The following BBX variants were observed in gnomAD, a reference collection of about 807,000 sequenced individuals.
The protein encoded by BBX is HMG box transcription factor BBX.
Under a neutral mutation model 100.2 loss-of-function variants are expected in BBX, and 30 were observed. The ratio of observed to expected loss-of-function variants is 0.30; its 90% CI spans 0.22 to 0.41. The LOEUF is 0.41. Among genes scored for constraint, BBX ranks in the 10% least tolerant of loss-of-function variants. The pLI, the probability that BBX is intolerant of heterozygous loss-of-function variation, is 1.00. For synonymous variants in BBX, 376 were observed against 388.1 expected (o/e 0.97, Z 0.37); for missense variants, 1,023 against 1,129.8 (o/e 0.91, Z 1.35).
In BBX at chr3:107,587,739, G is replaced by C. The variant is rs189836004; in HGVS notation, c.-83-58097G>C. Among the ~76,000 whole-genome samples, 3 of 152,278 alleles carry C rather than the reference G, an allele frequency of 2.0e-5. No homozygotes were observed. In the East Asian group the frequency reaches 5.8e-4, roughly 29 times the overall value. On this transcript the variant is annotated intron_variant, in intron 2 of 17. Transcript: ENST00000325805. ...TCACTGGGTACGCTAGACCAACACAGATTTGCAGGCTCGAGGCTCTTTTAG... is the reference window on the plus strand; with the variant it reads ...TCACTGGGTACGCTAGACCAACACACATTTGCAGGCTCGAGGCTCTTTTAG...
chr3:107,670,506 G>GT (rs1202625148), intron 3 of BBX, among the ~76,000 whole-genome samples: 41 of 151,802 alleles, frequency 2.7e-4, no homozygotes, highest in Non-Finnish European at 7.4e-5. Flanking sequence ...ACTATACATC[G>GT]TATGTATTGA....
At chr3:107,708,811 G>A (rs1456315356) in intron 3 of BBX, among the ~76,000 whole-genome samples, 1 of 152,042 alleles carries the variant, frequency 6.6e-6, no homozygotes, top group Non-Finnish European at 1.5e-5. Context: ...ATACATTCAT[G>A]TTTTAGAATA....
At chr3:107,559,489 A>C (rs2107466692) in intron 2 of BBX, among the ~76,000 whole-genome samples, 1 of 152,340 alleles carries the variant, frequency 6.6e-6, no homozygotes, top group East Asian at 1.9e-4. Context: ...TAATAGATAC[A>C]GCTTCTGAGG....
chr3:107,597,779 G>C (rs905072566), intron 2 of BBX, among the ~76,000 whole-genome samples: 2 of 152,166 alleles, frequency 1.3e-5, no homozygotes, highest in African/African-American at 4.8e-5. Flanking sequence ...TGATTGATTA[G>C]GGCCATTCAC....
chr3:107,655,113 G>T (rs1208816570), intron 3 of BBX, among the ~76,000 whole-genome samples: 1 of 152,114 alleles, frequency 6.6e-6, no homozygotes, highest in African/African-American at 2.4e-5. Context: ...TTGCTTTCCT[G>T]ACGATTTCAT....
Position 107,572,976 on chromosome 3 carries a change from G to A in BBX, c.-84+46578G>A, listed in dbSNP as rs556176379. On this transcript the variant is annotated intron_variant, in intron 2 of 17. Transcript: ENST00000325805. The stretch of plus-strand genomic sequence containing the variant: ...ATATTTTAAATGTTATCCCAGTTTA[G>A]TAATAAATTAACCAAGTGAAAACAA... Among the ~76,000 whole-genome samples the A allele has an allele frequency of 7.9e-5, 12 of 152,094 alleles. No individual in the cohort carries two copies. The East Asian group carries it at 2.1e-3, about 27-fold the overall frequency.
chr3:107,783,669 A>G (rs1333094040), intron 13 of BBX, among the ~76,000 whole-genome samples: 2 of 151,994 alleles, frequency 1.3e-5, no homozygotes, highest in Non-Finnish European at 2.9e-5. Flanking sequence ...ATGATTGCCT[A>G]TGTATCATTC....
chr3:107,739,483 C>A (rs1176319271), intron 7 of BBX, among the ~76,000 whole-genome samples: 4 of 152,222 alleles, frequency 2.6e-5, no homozygotes, highest in African/African-American at 4.8e-5. Flanking sequence ...AACCCAGCCT[C>A]TACCATCTGT....
intron 2 of BBX, among the ~76,000 whole-genome samples, chr3:107,559,321 A>G (rs542594225): frequency 6.6e-6 from 1 of 152,338 alleles, no homozygotes; most frequent in South Asian, 2.1e-4. Context: ...AATGTGTAGG[A>G]TAAACTGGGA....
intron 5 of BBX, among the ~76,000 whole-genome samples, chr3:107,720,735 G>C (rs952717595): frequency 1.3e-5 from 2 of 151,950 alleles, no homozygotes; most frequent in African/African-American, 4.8e-5. Context: ...CTCTGGGAAA[G>C]GTTTTCACTG....
At position 107,773,082 on chromosome 3, in the gene BBX, A is replaced by C; in HGVS notation, c.1361A>C (p.Lys454Thr). Residue 454 changes from lysine (K) to threonine (T), a missense_variant, in exon 11 of 18, where the codon AAG (lysine) becomes ACG (threonine). Coordinates refer to ENST00000325805, the MANE Select transcript of BBX (RefSeq NM_001142568.3). This position sits in a 1 kb window ranked among gnomAD's most constrained non-coding sequence, Gnocchi z 4.1. ...AAGCCAGAAAAGCTAAAAAAGAAAA[A>C]GAAGAAAAGCAAAATGGATCGACAT... is the stretch of plus-strand genomic sequence containing the variant. ...LNKPEKLKKK[K>T]KKSKMDRHGN... The C allele has an allele frequency of 6.2e-7, 1 of 1,613,106 alleles. No individual in the cohort carries two copies. The highest frequency in any genetic ancestry group is 8.5e-7 in the Non-Finnish European group (1 of 1,179,798).
intron 3 of BBX, among the ~76,000 whole-genome samples, chr3:107,667,895 T>C (rs1365038476): frequency 2.0e-5 from 3 of 152,176 alleles, no homozygotes; most frequent in African/African-American, 4.8e-5. Context: ...ATTTGAAATT[T>C]AAAAATTGAA....
intron 13 of BBX, among the ~76,000 whole-genome samples, chr3:107,780,425 C>T (rs1446630860): frequency 6.6e-6 from 1 of 151,984 alleles, no homozygotes; most frequent in Non-Finnish European, 1.5e-5. Flanking sequence ...TCTCTTGGGT[C>T]TTAGTTGTCT....
chr3:107,731,037 T>G (rs1388448115), intron 6 of BBX, among the ~76,000 whole-genome samples: 2 of 152,180 alleles, frequency 1.3e-5, no homozygotes, highest in Non-Finnish European at 2.9e-5. Context: ...TTACCAAATG[T>G]ATGATATCCA....
intron 10 of BBX, among the ~76,000 whole-genome samples, chr3:107,756,010 C>G (rs1258182387): frequency 1.3e-5 from 2 of 152,044 alleles, no homozygotes; most frequent in Non-Finnish European, 2.9e-5. Context: ...TCCCGTAAAC[C>G]GTCTATAAAT....
rs938694630 is a variant in BBX, at chr3:107,810,445, G to T, written c.*4988G>T. On this transcript the variant is annotated 3_prime_UTR_variant, in exon 18 of 18. Coordinates refer to ENST00000325805, the MANE Select transcript of BBX (RefSeq NM_001142568.3). The stretch of plus-strand genomic sequence containing the variant: ...GATTTCCTGATAACTTGGGCCAGAG[G>T]TGGTTACTGAGTAACAAGGATCTAA... 30 of 152,158 alleles carry T rather than the reference G, an allele frequency of 2.0e-4. No individual in the cohort carries two copies. Among genetic ancestry groups the T allele is most frequent in the African/African-American group, 7.2e-4 (30 of 41,410 alleles). 9.4% of individuals were successfully genotyped at this position (152,158 alleles called of 1,614,324 possible). A position where few individuals can be genotyped will look rare whatever the true frequency, so the allele number is the denominator to read the frequency against.
In BBX at chr3:107,664,080, C is replaced by T. The variant is rs145897742; in HGVS notation, c.-10+18171C>T. ...TCGGCCTCCCAAAATGCTGGGCTTA[C>T]AAGTGTGAGCCACTGCGCCTGGCCT... On this transcript the variant is annotated intron_variant, in intron 3 of 17. Transcript: ENST00000325805. 1.0e-3 allele frequency among the ~76,000 whole-genome samples: 152 copies of T among 152,328 alleles called. 1 individual carries two copies. Among genetic ancestry groups the T allele is most frequent in the Non-Finnish European group, 1.2e-3 (80 of 68,032 alleles).
intron 2 of BBX, among the ~76,000 whole-genome samples, chr3:107,546,339 AT>A (rs2049239964): frequency 6.6e-6 from 1 of 152,164 alleles, no homozygotes; most frequent in Non-Finnish European, 1.5e-5. Flanking sequence ...AATCTAGGAA[AT>A]TTTAGTTTGG....
intron 2 of BBX, among the ~76,000 whole-genome samples, chr3:107,590,380 G>A (rs1311329771): frequency 6.6e-6 from 1 of 152,096 alleles, no homozygotes; most frequent in Non-Finnish European, 1.5e-5. Flanking sequence ...TATCATTTTT[G>A]TGTGTAAAGA....
Sources: allele counts gnomAD v4.1 joint callset (sites outside exome capture counted in the v4.1 genomes callset), GRCh38; gene constraint gnomAD v4.1.1; non-coding constraint Gnocchi (gnomAD v3.1); transcripts MANE v1.5; gene names NCBI Gene and HGNC (gene_info 2026-07-23, HGNC 2026-07-21).